PCDH15: variants seen among roughly 807,000 people sequenced by gnomAD.
PCDH15 encodes the protein protocadherin-15.
A neutral mutation model predicts 178.5 loss-of-function variants in PCDH15; 129 were observed. That is an observed-to-expected ratio of 0.72 (90% CI 0.63 to 0.84). The LOEUF (loss-of-function observed/expected upper bound fraction) is 0.84, where lower values mean the gene tolerates loss of function less well. Ranked by LOEUF, PCDH15 falls within the 40% of genes least tolerant of loss-of-function variation. The pLI, the probability that PCDH15 is intolerant of heterozygous loss-of-function variation, is 0.00. For synonymous variants in PCDH15, 800 were observed against 732.0 expected (o/e 1.09, Z -1.50); for missense variants, 2,230 against 2,099.9 (o/e 1.06, Z -1.21).
At chr10:54,871,318 T>C (rs897767606) in intron 3 of PCDH15, among the ~76,000 whole-genome samples, 2 of 151,988 alleles carry the variant, frequency 1.3e-5, no homozygotes, top group Admixed American at 6.6e-5. Flanking sequence ...AGAATATTTG[T>C]ATATATATGA....
At chr10:54,232,723 C>G (rs1345927757) in intron 9 of PCDH15, among the ~76,000 whole-genome samples, 1 of 151,958 alleles carries the variant, frequency 6.6e-6, no homozygotes, top group Non-Finnish European at 1.5e-5. Context: ...AATAGAAGGT[C>G]CTCTCTTTCA....
intron 2 of PCDH15, among the ~76,000 whole-genome samples, chr10:54,560,716 AT>A (rs1354043613): frequency 6.6e-6 from 1 of 152,098 alleles, no homozygotes; most frequent in Non-Finnish European, 1.5e-5. Flanking sequence ...ATGTTATAAA[AT>A]AAAACTTGCT....
intron 3 of PCDH15, among the ~76,000 whole-genome samples, chr10:54,466,628 T>C (rs2077537131): frequency 6.6e-6 from 1 of 152,050 alleles, no homozygotes; most frequent in Admixed American, 6.6e-5. Context: ...CCAGTTTTGT[T>C]CTTTTCACTC....
intron 2 of PCDH15, among the ~76,000 whole-genome samples, chr10:54,538,426 G>A (rs1375440846): frequency 4.6e-5 from 7 of 152,126 alleles, no homozygotes; most frequent in Non-Finnish European, 1.0e-4. Context: ...TTGTAGGTAT[G>A]TGGCTTTCTT....
At chr10:54,705,856 T>C (rs2095360217) in intron 1 of PCDH15, among the ~76,000 whole-genome samples, 1 of 152,184 alleles carries the variant, frequency 6.6e-6, no homozygotes, top group Non-Finnish European at 1.5e-5. Context: ...TAGGTGATTA[T>C]AGACAGGTAT....
chr10:54,643,200 C>T (rs566983922), intron 2 of PCDH15, among the ~76,000 whole-genome samples: 2 of 152,320 alleles, frequency 1.3e-5, no homozygotes, highest in African/African-American at 4.8e-5. Flanking sequence ...GCTGGGATTA[C>T]AGGTGTGAGC....
At chr10:55,251,567 G>A (rs1211759334) in intron 1 of PCDH15, among the ~76,000 whole-genome samples, 1 of 152,054 alleles carries the variant, frequency 6.6e-6, no homozygotes, top group Non-Finnish European at 1.5e-5. Flanking sequence ...ACCATCGTGT[G>A]TTTATTCACT....
intron 1 of PCDH15, among the ~76,000 whole-genome samples, chr10:55,241,470 A>T (rs2132212305): frequency 6.6e-6 from 1 of 152,148 alleles, no homozygotes. Flanking sequence ...CCCATGCTGG[A>T]GTGCAGTGGT....
intron 2 of PCDH15, among the ~76,000 whole-genome samples, chr10:55,509,290 C>A (rs540386074): frequency 6.6e-6 from 1 of 151,688 alleles, no homozygotes; most frequent in Non-Finnish European, 1.5e-5. Flanking sequence ...AAGGTGAAGA[C>A]TGTAACAAAT....
chr10:54,788,740 A>G (rs1351434926), intron 1 of PCDH15, among the ~76,000 whole-genome samples: 1 of 151,902 alleles, frequency 6.6e-6, no homozygotes, highest in African/African-American at 2.4e-5. Context: ...AATAGCAAGT[A>G]ATGCAGATGG....
At chr10:55,131,717 T>C (rs1465146166) in intron 2 of PCDH15, among the ~76,000 whole-genome samples, 2 of 151,234 alleles carry the variant, frequency 1.3e-5, no homozygotes, top group East Asian at 3.9e-4. Flanking sequence ...AGTGGGTAGC[T>C]CCTCTCTGCA....
At chr10:55,499,404 TAC>T (rs200878607) in intron 2 of PCDH15, among the ~76,000 whole-genome samples, 15,750 of 136,110 alleles carry the variant, frequency 0.12, 1,046 homozygotes, top group African/African-American at 0.21. Context: ...AGACTCTCCC[TAC>T]ACACACACAC....
chr10:54,619,710 C>A (rs1590592542), intron 2 of PCDH15, among the ~76,000 whole-genome samples: 1 of 152,014 alleles, frequency 6.6e-6, no homozygotes, highest in African/African-American at 2.4e-5. Context: ...CCACTTCTAA[C>A]AAAATTATCA....
intron 8 of PCDH15, among the ~76,000 whole-genome samples, chr10:54,297,076 G>A (rs572357423): frequency 6.6e-6 from 1 of 152,114 alleles, no homozygotes; most frequent in African/African-American, 2.4e-5. Flanking sequence ...ACTGTTGTGG[G>A]TGCTTGGGCA....
At chr10:54,470,488 C>G (rs1191562266) in intron 3 of PCDH15, among the ~76,000 whole-genome samples, 2 of 152,096 alleles carry the variant, frequency 1.3e-5, no homozygotes, top group African/African-American at 4.8e-5. Context: ...ACTGGGCTCT[C>G]AAAATAGCAC....
intron 3 of PCDH15, among the ~76,000 whole-genome samples, chr10:54,380,631 G>A: frequency 1.7e-5 from 1 of 60,214 alleles, no homozygotes; most frequent in East Asian, 4.4e-4. Context: ...TCTTCTGATT[G>A]TGTGTATGCA....
intron 9 of PCDH15, among the ~76,000 whole-genome samples, chr10:54,215,452 A>G (rs35714214): frequency 0.5 from 76,467 of 152,066 alleles, 22,160 homozygotes; most frequent in Non-Finnish European, 0.66. Flanking sequence ...TATCCCTCCT[A>G]ATAGGAGAGT....
intron 20 of PCDH15, among the ~76,000 whole-genome samples, chr10:54,005,919 A>G (rs1406531641): frequency 6.6e-6 from 1 of 152,162 alleles, no homozygotes; most frequent in African/African-American, 2.4e-5. Flanking sequence ...GTGTCCATCA[A>G]CAGAATAATG....
At chr10:55,059,862 T>G (rs749956859) in intron 2 of PCDH15, among the ~76,000 whole-genome samples, 22 of 152,150 alleles carry the variant, frequency 1.4e-4, no homozygotes, top group Non-Finnish European at 2.9e-4. Flanking sequence ...TAATATTGCA[T>G]GCGATTTTAA....
Sources: gnomAD v4.1 joint callset for allele counts (sites outside exome capture counted in the v4.1 genomes callset) on GRCh38, gnomAD v4.1.1 for gene constraint, MANE v1.5 for transcripts, NCBI Gene and HGNC (gene_info 2026-07-23, HGNC 2026-07-21) for gene names.